Variants in KIRREL3 observed in about 807,000 individuals in gnomAD.
KIRREL3 encodes the protein kin of IRRE-like protein 3.
A neutral mutation model predicts 89.7 loss-of-function variants in KIRREL3; 36 were observed. That is an observed-to-expected ratio of 0.40 (90% CI 0.31 to 0.53). The LOEUF is 0.53. Ranked by LOEUF, KIRREL3 falls within the 20% of genes least tolerant of loss-of-function variation. The pLI is 0.49. For missense variants in KIRREL3, 864 were observed against 1,056.6 expected (o/e 0.82, Z 2.53); for synonymous variants, 445 against 441.4 (o/e 1.01, Z -0.10).
chr11:126,529,935 A>G (rs1264570147), intron 2 of KIRREL3, among the ~76,000 whole-genome samples: 3 of 144,588 alleles, frequency 2.1e-5, no homozygotes, highest in African/African-American at 7.9e-5. Context: ...GGTGCTTTGG[A>G]TGAAGGTGGA....
Position 126,891,375 on chromosome 11 carries a change from C to A in KIRREL3, c.55+109080G>T, listed in dbSNP as rs2134771203. On this transcript the variant is annotated intron_variant, in intron 1 of 16. Coordinates refer to ENST00000525144, the MANE Select transcript of KIRREL3 (RefSeq NM_032531.4). This position sits in a 1 kb window ranked among gnomAD's most constrained non-coding sequence, Gnocchi z 5.1. ...AAAAAGATATAATTTTAATTATCAGCAGCTCCACTTAAAAAAATCTTCAGC... is the reference window on the plus strand; with the variant it reads ...AAAAAGATATAATTTTAATTATCAGAAGCTCCACTTAAAAAAATCTTCAGC... 6.6e-6 allele frequency among the ~76,000 whole-genome samples: 1 copy of A among 152,270 alleles called. No individual in the cohort carries two copies. The highest frequency in any genetic ancestry group is 1.9e-4 in the East Asian group (1 of 5,178).
chr11:126,547,456 C>T (rs917690930), intron 2 of KIRREL3, among the ~76,000 whole-genome samples: 5 of 152,288 alleles, frequency 3.3e-5, no homozygotes, highest in Middle Eastern at 3.4e-3. Flanking sequence ...TGTGTGTACG[C>T]GTGATCCCTC....
rs1209901986 is a variant in KIRREL3, at chr11:126,782,058, G to T, written c.55+218397C>A. ...AAATTCACACTAGGATTAAAGCAGA[G>T]ACAATGCGATGTGCTCAGCATATAA... On this transcript the variant is annotated intron_variant, in intron 1 of 16. Coordinates refer to ENST00000525144, the MANE Select transcript of KIRREL3 (RefSeq NM_032531.4). This position sits in a 1 kb window ranked among gnomAD's most constrained non-coding sequence, Gnocchi z 4.1. Among the ~76,000 whole-genome samples, 1 of 151,006 alleles carries T rather than the reference G, an allele frequency of 6.6e-6. No homozygotes were observed. Among genetic ancestry groups the T allele is most frequent in the African/African-American group, 2.4e-5 (1 of 41,126 alleles).
intron 2 of KIRREL3, among the ~76,000 whole-genome samples, chr11:126,548,053 C>T (rs776251634): frequency 5.9e-5 from 9 of 152,158 alleles, no homozygotes; most frequent in Non-Finnish European, 1.0e-4. Flanking sequence ...CCTTGGCCCT[C>T]GTCTTTGTGT....
chr11:126,955,975 AG>A lies in KIRREL3; in HGVS notation c.55+44479del, dbSNP rs1223906259. ...AAAATGTTAAACGTTCTATGAAAAAAGGGACAGGGAACAATGGGGCCATGTT... is the reference window on the plus strand; with the variant it reads ...AAAATGTTAAACGTTCTATGAAAAAAGGACAGGGAACAATGGGGCCATGTT... On this transcript the variant is annotated intron_variant, in intron 1 of 16. Transcript: ENST00000525144. The surrounding 1 kb of genome is among the most constrained non-coding windows in gnomAD (Gnocchi z 4.6). Among the ~76,000 whole-genome samples the A allele has an allele frequency of 6.6e-6, 1 of 152,208 alleles. No homozygotes were observed. The highest frequency in any genetic ancestry group is 1.9e-4 in the East Asian group (1 of 5,194).
chr11:126,596,775 A>C (rs1942419234), intron 1 of KIRREL3, among the ~76,000 whole-genome samples: 1 of 152,200 alleles, frequency 6.6e-6, no homozygotes, highest in South Asian at 2.1e-4. Context: ...GGGGGAATGA[A>C]AGCAACTATT....
rs2134434718 is a variant in KIRREL3 at position 126,522,961 on chromosome 11, G to C, written c.284-1497C>G. Among the ~76,000 whole-genome samples, 1 of 152,340 alleles carries C rather than the reference G, an allele frequency of 6.6e-6. No homozygotes were observed. Among genetic ancestry groups the C allele is most frequent in the South Asian group, 2.1e-4 (1 of 4,824 alleles). ...ACATTCAGCCTTTTAAAGAGAAGAT[G>C]AGGGCTTAAGCAAGTGAGAGAGACA... On this transcript the variant is annotated intron_variant, in intron 3 of 16. Coordinates refer to ENST00000525144, the MANE Select transcript of KIRREL3 (RefSeq NM_032531.4). The surrounding 1 kb of genome is among the most constrained non-coding windows in gnomAD (Gnocchi z 6.0).
rs1955524517 is a variant in KIRREL3 at position 126,440,552 on chromosome 11, G to T, written c.1253-3C>A. The T allele has an allele frequency of 1.9e-6, 3 of 1,592,302 alleles. No individual in the cohort carries two copies. Reference sequence around the variant, plus strand: ...GGTGCTGGAGATGATGGGGGGTCCTGTTGAGAAACAGCGTCCCATTAGGCA... The same window carrying T: ...GGTGCTGGAGATGATGGGGGGTCCTTTTGAGAAACAGCGTCCCATTAGGCA... On this transcript the variant is annotated splice_region_variant and splice_polypyrimidine_tract_variant and intron_variant, in intron 10 of 16. Coordinates refer to ENST00000525144, the MANE Select transcript of KIRREL3 (RefSeq NM_032531.4).
rs115056978 is a variant in KIRREL3, at chr11:126,807,941, T to C, written c.55+192514A>G. On this transcript the variant is annotated intron_variant, in intron 1 of 16. Coordinates refer to ENST00000525144, the MANE Select transcript of KIRREL3 (RefSeq NM_032531.4). This position sits in a 1 kb window ranked among gnomAD's most constrained non-coding sequence, Gnocchi z 4.3. ...CCAAGGCCATGGGCTGCAACCTTTT[T>C]ATCTGTATCCCTCAGTGCCTGGCAT... Among the ~76,000 whole-genome samples the C allele has an allele frequency of 0.015, 2,256 of 152,350 alleles. 40 individuals are homozygous for C. Among genetic ancestry groups the C allele is most frequent in the African/African-American group, 0.047 (1,957 of 41,568 alleles).
chr11:126,548,400 GC>G (rs1938988679), intron 2 of KIRREL3, among the ~76,000 whole-genome samples: 1 of 152,170 alleles, frequency 6.6e-6, no homozygotes, highest in African/African-American at 2.4e-5. Flanking sequence ...GGCCAGACCT[GC>G]TGGGAGACAA....
rs1420137115 is a variant in KIRREL3 at position 126,931,030 on chromosome 11, A to G, written c.55+69425T>C. Among the ~76,000 whole-genome samples the G allele has an allele frequency of 6.6e-6, 1 of 152,192 alleles. No individual in the cohort carries two copies. The highest frequency in any genetic ancestry group is 1.5e-5 in the Non-Finnish European group (1 of 68,026). ...CCCTATCCATCTCCCACTCTCACACAGGACGAGTGTAGACAGCACCTTCTC... is the reference window on the plus strand; with the variant it reads ...CCCTATCCATCTCCCACTCTCACACGGGACGAGTGTAGACAGCACCTTCTC... On this transcript the variant is annotated intron_variant, in intron 1 of 16. Transcript: ENST00000525144. The surrounding 1 kb of genome is among the most constrained non-coding windows in gnomAD (Gnocchi z 5.1).
At chr11:126,660,137 GC>G (rs1945329109) in intron 1 of KIRREL3, among the ~76,000 whole-genome samples, 1 of 152,186 alleles carries the variant, frequency 6.6e-6, no homozygotes, top group East Asian at 1.9e-4. Context: ...TATGTGAAGG[GC>G]AAAGGAGGCC....
chr11:126,737,201 G>T (rs532759621), intron 1 of KIRREL3, among the ~76,000 whole-genome samples: 1 of 152,256 alleles, frequency 6.6e-6, no homozygotes, highest in Non-Finnish European at 1.5e-5. Context: ...TCAGCACACT[G>T]GGCTGGGGCC....
chr11:126,443,732 A>G lies in KIRREL3; in HGVS notation c.1252+1247T>C, dbSNP rs1955678982. On this transcript the variant is annotated intron_variant, in intron 10 of 16. Coordinates refer to ENST00000525144, the MANE Select transcript of KIRREL3 (RefSeq NM_032531.4). This position sits in a 1 kb window ranked among gnomAD's most constrained non-coding sequence, Gnocchi z 7.3. ...GCCATCAGCAGGTGGCTTTCTGGGTAGAGAGGAAGCTGAAGCCCACGAGCT... is the reference window on the plus strand; with the variant it reads ...GCCATCAGCAGGTGGCTTTCTGGGTGGAGAGGAAGCTGAAGCCCACGAGCT... 6.6e-6 allele frequency among the ~76,000 whole-genome samples: 1 copy of G among 152,166 alleles called. No homozygotes were observed.
Position 126,541,033 on chromosome 11 carries a change from G to T in KIRREL3, c.134-14346C>A, listed in dbSNP as rs1450502771. Among the ~76,000 whole-genome samples the T allele has an allele frequency of 6.6e-6, 1 of 152,176 alleles. No homozygotes were observed. Among genetic ancestry groups the T allele is most frequent in the Non-Finnish European group, 1.5e-5 (1 of 68,042 alleles). On this transcript the variant is annotated intron_variant, in intron 2 of 16. Coordinates refer to ENST00000525144, the MANE Select transcript of KIRREL3 (RefSeq NM_032531.4). The surrounding 1 kb of genome is among the most constrained non-coding windows in gnomAD (Gnocchi z 4.8). ...TATGCCATTAGCTCAAGAGGGAGCT[G>T]CAGGCTCGGCTATGGGCAGGCTCGG... is the stretch of plus-strand genomic sequence containing the variant.
intron 1 of KIRREL3, among the ~76,000 whole-genome samples, chr11:126,725,308 A>G (rs1229953475): frequency 2.0e-5 from 3 of 151,530 alleles, no homozygotes; most frequent in Non-Finnish European, 2.9e-5. Context: ...AAGATATGAT[A>G]TCTCTGGCAG....
Position 126,645,127 on chromosome 11 carries a change from G to T in KIRREL3, c.56-82215C>A, listed in dbSNP as rs559958202. On this transcript the variant is annotated intron_variant, in intron 1 of 16. Transcript: ENST00000525144. The surrounding 1 kb of genome is among the most constrained non-coding windows in gnomAD (Gnocchi z 4.9). ...ATATTCTGAATATATCGCAAGAGGG[G>T]TGCAGACTGGGCGTTATGAAGGAAA... is the stretch of plus-strand genomic sequence containing the variant. 6.6e-6 allele frequency among the ~76,000 whole-genome samples: 1 copy of T among 152,168 alleles called. No individual in the cohort carries two copies. Among genetic ancestry groups the T allele is most frequent in the Non-Finnish European group, 1.5e-5 (1 of 68,040 alleles).
At chr11:126,923,557 C>T (rs1233707970) in intron 1 of KIRREL3, among the ~76,000 whole-genome samples, 1 of 151,348 alleles carries the variant, frequency 6.6e-6, no homozygotes, top group East Asian at 2.0e-4. Context: ...GATTCTCCTG[C>T]CTCAGCCTCC....
rs186267190 is a variant in KIRREL3 at position 126,566,260 on chromosome 11, G to A, written c.56-3348C>T. Among the ~76,000 whole-genome samples, 6 of 152,334 alleles carry A rather than the reference G, an allele frequency of 3.9e-5. No individual in the cohort carries two copies. Among genetic ancestry groups the A allele is most frequent in the Non-Finnish European group, 5.9e-5 (4 of 68,040 alleles). On this transcript the variant is annotated intron_variant, in intron 1 of 16. Coordinates refer to ENST00000525144, the MANE Select transcript of KIRREL3 (RefSeq NM_032531.4). This position sits in a 1 kb window ranked among gnomAD's most constrained non-coding sequence, Gnocchi z 4.9. ...TGTCCCAGGAACAAGGAAGGTTTAG[G>A]AATACCACCTGTGCAAGGAAAAATG...
Sources: allele counts gnomAD v4.1 joint callset (sites outside exome capture counted in the v4.1 genomes callset), GRCh38; gene constraint gnomAD v4.1.1; non-coding constraint Gnocchi (gnomAD v3.1); transcripts MANE v1.5; gene names NCBI Gene and HGNC (gene_info 2026-07-23, HGNC 2026-07-21).